The following TAFA5 variants were observed in gnomAD, a reference collection of about 807,000 sequenced individuals.
TAFA5 encodes the protein chemokine-like protein TAFA-5.
In TAFA5, 6 loss-of-function variants were observed where a neutral mutation model predicts 15.3. The ratio of observed to expected loss-of-function variants is 0.39; its 90% confidence interval spans 0.21 to 0.77. The LOEUF is 0.77. TAFA5 is among the 30% of genes least tolerant of loss of function. The pLI, the probability that TAFA5 is intolerant of heterozygous loss-of-function variation, is 0.41. For missense variants in TAFA5, 161 were observed against 193.1 expected (o/e 0.83, Z 0.98); for synonymous variants, 103 against 80.7 (o/e 1.28, Z -1.48).
At chr22:48,516,187 G>A (rs5767181) in intron 1 of TAFA5, among the ~76,000 whole-genome samples, 40,114 of 152,082 alleles carry the variant, frequency 0.26, 6,486 homozygotes, top group Middle Eastern at 0.4. Context: ...AGATGGCGGC[G>A]AAACCCACGT....
rs181734290 is a variant in TAFA5, at chr22:48,592,054, C to A, written c.113-54543C>A. Among the ~76,000 whole-genome samples the A allele has an allele frequency of 2.7e-3, 404 of 152,260 alleles. 5 individuals are homozygous for A. Among genetic ancestry groups the A allele is most frequent in the Admixed American group, 0.017 (266 of 15,308 alleles). On this transcript the variant is annotated intron_variant, in intron 1 of 3. Transcript: ENST00000402357. ...AGGTCTCTGCCTGGACGGCAGGAGG[C>A]GGGGGGTCCCTTGCAGGTCCCGAGG...
intron 1 of TAFA5, among the ~76,000 whole-genome samples, chr22:48,501,569 T>G (rs1056188725): frequency 3.5e-5 from 5 of 143,668 alleles, no homozygotes; most frequent in Non-Finnish European, 7.4e-5. Flanking sequence ...CGGGGAGAGA[T>G]AGAGGAGGGA....
intron 1 of TAFA5, among the ~76,000 whole-genome samples, chr22:48,555,739 G>A (rs1409930183): frequency 2.0e-5 from 3 of 152,158 alleles, no homozygotes; most frequent in Middle Eastern, 3.2e-3. Context: ...CCTGAGACAG[G>A]AGCCCAGGAA....
At chr22:48,544,824 G>A (rs1368639274) in intron 1 of TAFA5, 1 of 471,132 alleles carries the variant, frequency 2.1e-6, no homozygotes, top group East Asian at 6.9e-5. Context: ...GTGTGGCCTG[G>A]GGTCCCACGC....
chr22:48,651,521 C>A (rs573505334), intron 2 of TAFA5, among the ~76,000 whole-genome samples: 1 of 152,144 alleles, frequency 6.6e-6, no homozygotes, highest in South Asian at 2.1e-4. Flanking sequence ...GGCAGGTGGG[C>A]ACTGCCGGGT....
intron 1 of TAFA5, among the ~76,000 whole-genome samples, chr22:48,523,141 C>T (rs1474464343): frequency 6.6e-6 from 1 of 152,338 alleles, no homozygotes; most frequent in Non-Finnish European, 1.5e-5. Flanking sequence ...GCCTCCATCT[C>T]CTCCCCTGCC....
chr22:48,677,884 CTG>C (rs1273715125), intron 2 of TAFA5, among the ~76,000 whole-genome samples: 2 of 152,036 alleles, frequency 1.3e-5, no homozygotes, highest in South Asian at 2.1e-4. Flanking sequence ...TGCTCCAACA[CTG>C]TGGAGGTCCA....
chr22:48,551,800 C>T (rs111238053), intron 1 of TAFA5, among the ~76,000 whole-genome samples: 4,654 of 152,288 alleles, frequency 0.031, 242 homozygotes, highest in African/African-American at 0.11. Context: ...CCAGGAGAGC[C>T]GCACCTCTGC....
rs1020453387 is a variant in TAFA5 at position 48,739,702 on chromosome 22, T to G, written c.391-10137T>G. The stretch of plus-strand genomic sequence containing the variant: ...CAATGACCAATAAAGGATGAAGTGT[T>G]GAGCAGATCTGGGGAGGAGCATGTG... On this transcript the variant is annotated intron_variant, in intron 3 of 3. Transcript: ENST00000402357. Among the ~76,000 whole-genome samples, 5 of 152,126 alleles carry G rather than the reference T, an allele frequency of 3.3e-5. No individual in the cohort carries two copies. In the East Asian group the frequency reaches 9.7e-4, roughly 29 times the overall value.
chr22:48,549,089 A>G (rs1281233555), intron 1 of TAFA5, among the ~76,000 whole-genome samples: 1 of 152,230 alleles, frequency 6.6e-6, no homozygotes, highest in Non-Finnish European at 1.5e-5. Context: ...TTGTCTCCTG[A>G]GTAGAAATAG....
intron 1 of TAFA5, among the ~76,000 whole-genome samples, chr22:48,609,630 TCA>T (rs1925324771): frequency 6.6e-6 from 1 of 152,104 alleles, no homozygotes; most frequent in African/African-American, 2.4e-5. Flanking sequence ...ATTCTGAAGC[TCA>T]CAGACCTGAG....
intron 1 of TAFA5, among the ~76,000 whole-genome samples, chr22:48,517,086 G>A (rs544825734): frequency 2.5e-4 from 38 of 152,142 alleles, no homozygotes; most frequent in African/African-American, 8.7e-4. Flanking sequence ...AAAAAGCCCC[G>A]TGCCTATGAA....
intron 1 of TAFA5, among the ~76,000 whole-genome samples, chr22:48,518,596 C>T (rs776394233): frequency 1.5e-4 from 23 of 152,174 alleles, no homozygotes; most frequent in Non-Finnish European, 2.9e-4. Context: ...TGTCACTGAG[C>T]GGGTCTTACC....
At chr22:48,608,807 TC>T (rs1925292256) in intron 1 of TAFA5, among the ~76,000 whole-genome samples, 3 of 152,182 alleles carry the variant, frequency 2.0e-5, no homozygotes, top group African/African-American at 7.2e-5. Context: ...AGGCCTTCGT[TC>T]CAACAGAGGG....
chr22:48,599,004 T>C (rs1294853173), intron 1 of TAFA5, among the ~76,000 whole-genome samples: 2 of 152,082 alleles, frequency 1.3e-5, no homozygotes, highest in Non-Finnish European at 2.9e-5. Flanking sequence ...CAGAGGTGCA[T>C]AGGGCCAGGG....
intron 1 of TAFA5, among the ~76,000 whole-genome samples, chr22:48,585,703 C>T (rs976903611): frequency 6.6e-6 from 1 of 151,512 alleles, no homozygotes; most frequent in Non-Finnish European, 1.5e-5. Flanking sequence ...TATACACAGA[C>T]ACAGAATATA....
chr22:48,576,674 T>G, intron 1 of TAFA5: 1 of 1,206,574 alleles, frequency 8.3e-7, no homozygotes, highest in Non-Finnish European at 1.0e-6. Context: ...GCCGCCGCGC[T>G]CGGCTGAGGC....
intron 3 of TAFA5, among the ~76,000 whole-genome samples, chr22:48,710,387 C>T (rs1369058879): frequency 2.6e-5 from 4 of 152,174 alleles, no homozygotes; most frequent in Non-Finnish European, 4.4e-5. Flanking sequence ...CTGCCTCCTG[C>T]GTTCACCCAG....
chr22:48,632,762 AGAGG>A (rs1926279193), intron 1 of TAFA5, among the ~76,000 whole-genome samples: 1 of 152,186 alleles, frequency 6.6e-6, no homozygotes, highest in South Asian at 2.1e-4. Flanking sequence ...GGGGAGCAGC[AGAGG>A]CTGGAGGCCT....
Sources: allele counts gnomAD v4.1 joint callset (sites outside exome capture counted in the v4.1 genomes callset), GRCh38; gene constraint gnomAD v4.1.1; transcripts MANE v1.5; gene names NCBI Gene and HGNC (gene_info 2026-07-23, HGNC 2026-07-21).